SPAST: variants seen among roughly 807,000 people sequenced by gnomAD.
The protein encoded by SPAST is spastic paraplegia 4 (autosomal dominant; spastin).
Under a neutral mutation model 76.6 loss-of-function variants are expected in SPAST, and 30 were observed. The observed-to-expected ratio is 0.39, with a 90% CI of 0.29 to 0.53. The LOEUF is 0.53. Among genes scored for constraint, SPAST ranks in the 20% least tolerant of loss-of-function variants. The probability of loss-of-function intolerance (pLI) is 0.68; values close to 1 mark genes in which losing one functional copy is unlikely to be tolerated. For missense variants in SPAST, 717 were observed against 770.5 expected (o/e 0.93, Z 0.82); for synonymous variants, 305 against 281.0 (o/e 1.09, Z -0.86).
At chr2:32,137,221 A>G (rs1679570419) in intron 12 of SPAST, 33 bp downstream of exon 12, 1 of 1,414,846 alleles carries the variant, frequency 7.1e-7, no homozygotes, top group African/African-American at 1.4e-5. Context: ...ACATGCATTT[A>G]TTACAGACAA....
chr2:32,080,778 C>T (rs946427006), intron 1 of SPAST, among the ~76,000 whole-genome samples: 3 of 132,398 alleles, frequency 2.3e-5, no homozygotes, highest in African/African-American at 8.5e-5. Context: ...TGGTCTGGCT[C>T]AGTTCTTTTT....
At chr2:32,118,021 G>T (rs1019939010) in intron 7 of SPAST, among the ~76,000 whole-genome samples, 5 of 152,096 alleles carry the variant, frequency 3.3e-5, no homozygotes, top group African/African-American at 1.2e-4. Flanking sequence ...AATTTTTCCA[G>T]TTCACAGATG....
At chr2:32,106,471 A>T (rs762007047) in intron 4 of SPAST, among the ~76,000 whole-genome samples, 1 of 152,120 alleles carries the variant, frequency 6.6e-6, no homozygotes. Context: ...CTGTCTGACA[A>T]TCCCCAGTGA....
At chr2:32,152,075 ATTTAAC>A (rs1004853713) in intron 16 of SPAST, among the ~76,000 whole-genome samples, 23 of 152,110 alleles carry the variant, frequency 1.5e-4, no homozygotes, top group South Asian at 2.1e-4. Flanking sequence ...TGTGTATCTA[ATTTAAC>A]TTTAAGTCCT....
chr2:32,069,395 A>G (rs1338970282), intron 1 of SPAST, among the ~76,000 whole-genome samples: 1 of 151,998 alleles, frequency 6.6e-6, no homozygotes, highest in Non-Finnish European at 1.5e-5. Context: ...TTCCAAGAGA[A>G]TGTAATTCTT....
rs542779973 is a variant in SPAST at position 32,106,957 on chromosome 2, T to C, written c.683-7681T>C. On this transcript the variant is annotated intron_variant, in intron 4 of 16. Transcript: ENST00000315285. ...ATAGTTAAGTTTCTAAAATATGTAT[T>C]TGAGATCCCAGTAATTCTACTAGGA... Among the ~76,000 whole-genome samples, 77 of 151,866 alleles carry C rather than the reference T, an allele frequency of 5.1e-4. No homozygotes were observed. In the South Asian group the frequency reaches 0.015, roughly 30 times the overall value.
At chr2:32,151,930 A>G (rs1045373812) in intron 16 of SPAST, among the ~76,000 whole-genome samples, 5 of 152,098 alleles carry the variant, frequency 3.3e-5, no homozygotes, top group African/African-American at 1.2e-4. Context: ...AAAAAAAGAA[A>G]AACCCAACTT....
intron 1 of SPAST, 63 bp downstream of exon 1, chr2:32,064,309 G>GT: frequency 2.5e-6 from 2 of 786,704 alleles, no homozygotes; most frequent in Non-Finnish European, 4.2e-6. Flanking sequence ...GTCGCCGGGG[G>GT]AGGGCAACAC....
At chr2:32,103,754 A>G (rs1054943768) in intron 4 of SPAST, among the ~76,000 whole-genome samples, 9 of 152,094 alleles carry the variant, frequency 5.9e-5, no homozygotes, top group Admixed American at 4.6e-4. Flanking sequence ...CAGGTTGTTC[A>G]GTTTCCATGT....
At chr2:32,137,649 A>G (rs189463464) in intron 12 of SPAST, among the ~76,000 whole-genome samples, 1 of 152,216 alleles carries the variant, frequency 6.6e-6, no homozygotes, top group African/African-American at 2.4e-5. Flanking sequence ...TTGTTTCTAG[A>G]TTGGCTGTAG....
Position 32,154,490 on chromosome 2 carries a change from T to G in SPAST, c.1845T>G (p.Thr615=), listed in dbSNP as rs1259484047. 6.2e-7 allele frequency: 1 copy of G among 1,613,774 alleles called. No individual in the cohort carries two copies. Among genetic ancestry groups the G allele is most frequent in the Non-Finnish European group, 8.5e-7 (1 of 1,179,732 alleles). ...GGAACAAGGACTTTGGAGATACCACTGTTTAAGGAAATACCTTTGTAAACC... is the reference window on the plus strand; with the variant it reads ...GGAACAAGGACTTTGGAGATACCACGGTTTAAGGAAATACCTTTGTAAACC... ...IRWNKDFGDT[T]V The change falls in exon 17 of 17, where the codon ACT becomes ACG. Residue 615 remains threonine, a synonymous_variant. Coordinates refer to ENST00000315285, the MANE Select transcript of SPAST (RefSeq NM_014946.4).
chr2:32,135,869 A>G (rs531714639), intron 9 of SPAST, among the ~76,000 whole-genome samples: 27 of 152,204 alleles, frequency 1.8e-4, no homozygotes, highest in African/African-American at 6.5e-4. Flanking sequence ...GGCAGGCTTA[A>G]AGACTATCTA....
intron 9 of SPAST, among the ~76,000 whole-genome samples, chr2:32,133,304 G>A (rs2148750692): frequency 6.6e-6 from 1 of 152,224 alleles, no homozygotes; most frequent in East Asian, 1.9e-4. Flanking sequence ...ACAGCTCAGT[G>A]GATTACCACA....
chr2:32,096,504 C>T (rs1242160330), intron 3 of SPAST, among the ~76,000 whole-genome samples: 1 of 152,044 alleles, frequency 6.6e-6, no homozygotes, highest in East Asian at 1.9e-4. Context: ...GTGTCTATGA[C>T]TCCTCCTCCA....
chr2:32,093,081 C>G (rs1182989576), intron 3 of SPAST, among the ~76,000 whole-genome samples: 1 of 150,074 alleles, frequency 6.7e-6, no homozygotes, highest in Non-Finnish European at 1.5e-5. Context: ...GCGAGCAGAT[C>G]ACTTGAGGTC....
chr2:32,119,030 A>G (rs1478832379), intron 7 of SPAST, among the ~76,000 whole-genome samples: 1 of 152,182 alleles, frequency 6.6e-6, no homozygotes. Flanking sequence ...ATAAAGTTGA[A>G]TAACCTGACC....
At chr2:32,137,038 T>TA in intron 11 of SPAST, 70 bp downstream of exon 11, 1 of 1,548,426 alleles carries the variant, frequency 6.5e-7, no homozygotes, top group Non-Finnish European at 8.9e-7. Context: ...TGGCCAAGGT[T>TA]AAAAATACAA....
intron 7 of SPAST, among the ~76,000 whole-genome samples, chr2:32,119,693 C>T (rs924404110): frequency 6.6e-6 from 1 of 152,134 alleles, no homozygotes; most frequent in Admixed American, 6.5e-5. Context: ...CAATATTAAT[C>T]TTTGACAAAA....
chr2:32,064,006 G>C lies in SPAST; in HGVS notation c.175G>C (p.Val59Leu). 1 of 1,613,446 alleles carries C rather than the reference G, an allele frequency of 6.2e-7. No homozygotes were observed. The highest frequency in any genetic ancestry group is 1.1e-5 in the South Asian group (1 of 91,066). The change falls in exon 1 of 17, where the codon GTA becomes CTA. Residue 59 changes from valine (V) to leucine (L), a missense_variant. Val to Leu is a conservative substitution (Grantham distance 32). Transcript: ENST00000315285. Reference sequence around the variant, plus strand: ...GTACTATTTCTCCTACCCGCTGTTTGTAGGCTTCGCGCTGCTGCGTTTGGT... The same window carrying C: ...GTACTATTTCTCCTACCCGCTGTTTCTAGGCTTCGCGCTGCTGCGTTTGGT... ...NLYYFSYPLF[V>L]GFALLRLVAF...
Sources: gnomAD v4.1 joint callset for allele counts (sites outside exome capture counted in the v4.1 genomes callset) on GRCh38, gnomAD v4.1.1 for gene constraint, MANE v1.5 for transcripts, NCBI Gene and HGNC (gene_info 2026-07-23, HGNC 2026-07-21) for gene names.